Variants in DCAF1 observed in about 807,000 individuals in gnomAD.
DCAF1 encodes DDB1- and CUL4-associated factor 1.
DCAF1 carries 15 observed loss-of-function variants against 128.0 expected under a neutral mutation model. That is an observed-to-expected ratio of 0.12 (90% CI 0.08 to 0.18). The LOEUF (loss-of-function observed/expected upper bound fraction) is 0.18, where lower values mean the gene tolerates loss of function less well. Among genes scored for constraint, DCAF1 ranks in the 10% least tolerant of loss-of-function variants. The probability of loss-of-function intolerance (pLI) is 1.00; values close to 1 mark genes in which losing one functional copy is unlikely to be tolerated. For synonymous variants in DCAF1, 610 were observed against 603.0 expected (o/e 1.01, Z -0.17); for missense variants, 988 against 1,649.5 (o/e 0.60, Z 6.95).
chr3:51,476,837 T>C (rs1225556486), intron 3 of DCAF1, among the ~76,000 whole-genome samples: 1 of 151,932 alleles, frequency 6.6e-6, no homozygotes, highest in Non-Finnish European at 1.5e-5. Flanking sequence ...ATCGCACCAC[T>C]GCACTCCAGC....
intron 9 of DCAF1, among the ~76,000 whole-genome samples, chr3:51,433,979 G>A (rs1317644045): frequency 6.6e-6 from 1 of 151,640 alleles, no homozygotes; most frequent in Non-Finnish European, 1.5e-5. Flanking sequence ...CTACTTGGGA[G>A]GCTGAGGCAG....
intron 3 of DCAF1, among the ~76,000 whole-genome samples, chr3:51,479,207 G>A (rs1705854255): frequency 6.6e-6 from 1 of 152,116 alleles, no homozygotes; most frequent in Non-Finnish European, 1.5e-5. Context: ...CCAATAAAAA[G>A]ACATAGTCGT....
Position 51,398,491 on chromosome 3 carries a change from T to TC in DCAF1, c.*277dup, listed in dbSNP as rs1342751735. The TC allele has an allele frequency of 2.7e-6, 1 of 377,116 alleles. No individual in the cohort carries two copies. The highest frequency in any genetic ancestry group is 4.8e-6 in the Non-Finnish European group (1 of 210,090). The allele number at this position is 377,116 out of a possible 1,614,324, so 23.4% of individuals were successfully genotyped here. ...ATACCCCAGAGACATGGTTTTTTTT[T>TC]CCCCTTGAAAGATATGTCCATCCTA... is the stretch of plus-strand genomic sequence containing the variant. On this transcript the variant is annotated 3_prime_UTR_variant, in exon 25 of 25. Coordinates refer to ENST00000684031, the MANE Select transcript of DCAF1 (RefSeq NM_001387579.1).
At chr3:51,486,108 T>C (rs1321885614) in intron 2 of DCAF1, among the ~76,000 whole-genome samples, 1 of 151,812 alleles carries the variant, frequency 6.6e-6, no homozygotes, top group Non-Finnish European at 1.5e-5. Flanking sequence ...GCCAGGATGG[T>C]CTCAATCTCC....
chr3:51,425,782 T>G (rs1419781253), intron 13 of DCAF1, among the ~76,000 whole-genome samples: 1 of 151,968 alleles, frequency 6.6e-6, no homozygotes, highest in Non-Finnish European at 1.5e-5. Context: ...CAGGCTGGTC[T>G]CGAACTCCTG....
At chr3:51,488,857 C>T (rs1553656654) in intron 2 of DCAF1, among the ~76,000 whole-genome samples, 1 of 151,770 alleles carries the variant, frequency 6.6e-6, no homozygotes, top group Non-Finnish European at 1.5e-5. Flanking sequence ...CCCAGCTACT[C>T]AGGAGGCTGA....
At position 51,398,195 on chromosome 3, in the gene DCAF1, ATATT is replaced by A. The variant is rs1263309636; in HGVS notation, c.*570_*573del. On this transcript the variant is annotated 3_prime_UTR_variant, in exon 25 of 25. Transcript: ENST00000684031. ...AAAACAGGTTAAAAAATCATATATT[ATATT>A]TATAATAAAATATTCTTAATCCTTA... 3 of 152,176 alleles carry A rather than the reference ATATT, an allele frequency of 2.0e-5. No individual in the cohort carries two copies. In the East Asian group the frequency reaches 5.8e-4, roughly 29 times the overall value. The allele number at this position is 152,176 out of a possible 1,614,324, so 9.4% of individuals were successfully genotyped here.
Position 51,500,009 on chromosome 3 carries a change from A to G in DCAF1, c.-192T>C, listed in dbSNP as rs1174652629. ...CGACCACGGCTCCACAGCGGCCCAC[A>G]TATTATGCGTCACTCGCGCGCTACG... On this transcript the variant is annotated 5_prime_UTR_variant, in exon 1 of 25. The change abolishes an upstream ATG in the 5' untranslated region. Transcript: ENST00000684031. The G allele has an allele frequency of 2.1e-5, 3 of 144,760 alleles. No homozygotes were observed. Among genetic ancestry groups the G allele is most frequent in the Non-Finnish European group, 3.0e-5 (2 of 66,594 alleles). The allele number at this position is 144,760 out of a possible 1,614,324, so 9.0% of individuals were successfully genotyped here. A position where few individuals can be genotyped will look rare whatever the true frequency, so the allele number is the denominator to read the frequency against.
At chr3:51,501,778 G>A (rs1304259979), upstream of DCAF1, among the ~76,000 whole-genome samples, 2 of 152,112 alleles carry the variant, frequency 1.3e-5, no homozygotes, top group Non-Finnish European at 2.9e-5. Context: ...CAACACACAG[G>A]TCCCTTCTCT....
intron 12 of DCAF1, among the ~76,000 whole-genome samples, chr3:51,428,291 T>G (rs1657609898): frequency 6.7e-6 from 1 of 148,834 alleles, no homozygotes; most frequent in African/African-American, 2.5e-5. Flanking sequence ...CTCTCCCATC[T>G]CAGCCTCCCA....
Position 51,398,692 on chromosome 3 carries a change from G to A in DCAF1, c.*77C>T. ...AAAAGACAGACAGCCCTGGGAGAAA[G>A]AGAAGGGAATATGTTCTGAATTCAT... On this transcript the variant is annotated 3_prime_UTR_variant, in exon 25 of 25. Transcript: ENST00000684031. 2.6e-6 allele frequency: 4 copies of A among 1,529,718 alleles called. No individual in the cohort carries two copies. Among genetic ancestry groups the A allele is most frequent in the Middle Eastern group, 1.7e-4 (1 of 5,960 alleles). 94.8% of individuals were successfully genotyped at this position (1,529,718 alleles called of 1,614,324 possible).
Position 51,412,426 on chromosome 3 carries a change from C to T in DCAF1, c.4165G>A (p.Val1389Met), listed in dbSNP as rs1553628740. 6.2e-7 allele frequency: 1 copy of T among 1,613,990 alleles called. No individual in the cohort carries two copies. The highest frequency in any genetic ancestry group is 8.5e-7 in the Non-Finnish European group (1 of 1,179,880). Reference sequence around the variant, plus strand: ...TCCTCTGCCAGACGCTGCCTGCCCACTTCATACAGCCTGCATACTGTGTCC... The same window carrying T: ...TCCTCTGCCAGACGCTGCCTGCCCATTTCATACAGCCTGCATACTGTGTCC... ...NMDTVCRLYE[V>M]GRQRLAEDED... Residue 1389 changes from valine to methionine, a missense_variant, in exon 23 of 25, where the codon GTG becomes ATG. Physicochemically the swap from Val to Met is conservative, Grantham distance 21 (BLOSUM62 1). Coordinates refer to ENST00000684031, the MANE Select transcript of DCAF1 (RefSeq NM_001387579.1).
Position 51,430,227 on chromosome 3 carries a change from AAAT to A in DCAF1, c.1288-18_1288-16del, listed in dbSNP as rs1700247623. On this transcript the variant is annotated splice_polypyrimidine_tract_variant and intron_variant, in intron 10 of 24. Transcript: ENST00000684031. ...TGCATGCAAACCTGCAAAAAAATAC[AAAT>A]AAAACAATGCTTTTAAATTGTGGGC... 1.3e-6 allele frequency: 1 copy of A among 770,156 alleles called. No homozygotes were observed. The highest frequency in any genetic ancestry group is 1.7e-5 in the African/African-American group (1 of 58,754). The allele number at this position is 770,156 out of a possible 1,614,324, so 47.7% of individuals were successfully genotyped here.
chr3:51,447,254 AC>A (rs1701968498), intron 6 of DCAF1, among the ~76,000 whole-genome samples: 1 of 151,718 alleles, frequency 6.6e-6, no homozygotes, highest in Admixed American at 6.6e-5. Context: ...TACTAAAATT[AC>A]AAAAATTGGC....
At chr3:51,414,187 G>A (rs1698677951) in intron 19 of DCAF1, 144 bp from the exon 20 acceptor site, 3 of 1,136,278 alleles carry the variant, frequency 2.6e-6, no homozygotes, top group Non-Finnish European at 3.6e-6. Context: ...ACAAATACAT[G>A]TAGAATGCAT....
intron 12 of DCAF1, among the ~76,000 whole-genome samples, chr3:51,427,761 T>C (rs1331406808): frequency 1.3e-5 from 2 of 152,102 alleles, no homozygotes; most frequent in Admixed American, 1.3e-4. Flanking sequence ...GCATCCCAAG[T>C]AGCTAGAACC....
chr3:51,489,810 CAT>C (rs1491214394), intron 2 of DCAF1, among the ~76,000 whole-genome samples: 20 of 98,018 alleles, frequency 2.0e-4, no homozygotes, highest in African/African-American at 2.9e-4. Context: ...AGTGTGTATG[CAT>C]GTGTGTGTGT....
intron 22 of DCAF1, 82 bp downstream of exon 22, chr3:51,412,911 C>T: frequency 6.4e-7 from 1 of 1,567,702 alleles, no homozygotes; most frequent in Non-Finnish European, 8.7e-7. Context: ...CATCTTATAT[C>T]AGACAAAATG....
At chr3:51,414,222 T>C (rs1698679650) in intron 19 of DCAF1, among the ~76,000 whole-genome samples, 179 bp from the exon 20 acceptor site, 1 of 152,174 alleles carries the variant, frequency 6.6e-6, no homozygotes, top group South Asian at 2.1e-4. Flanking sequence ...TCTCTGAAAA[T>C]ATCCTAGGGT....
Sources: allele counts gnomAD v4.1 joint callset (sites outside exome capture counted in the v4.1 genomes callset), GRCh38; gene constraint gnomAD v4.1.1; transcripts MANE v1.5; gene names NCBI Gene and HGNC (gene_info 2026-07-23, HGNC 2026-07-21).